Variants in CCPG1 observed in about 807,000 individuals in gnomAD.
CCPG1 encodes the protein cell cycle progression protein 1.
In CCPG1, 46 loss-of-function variants were observed where a neutral mutation model predicts 81.3. The ratio of observed to expected loss-of-function variants is 0.57; its 90% CI spans 0.45 to 0.72. The LOEUF (loss-of-function observed/expected upper bound fraction) is 0.72, where lower values mean the gene tolerates loss of function less well. Among genes scored for constraint, CCPG1 ranks in the 30% least tolerant of loss-of-function variants. The probability of loss-of-function intolerance (pLI) is 0.00; values close to 1 mark genes in which losing one functional copy is unlikely to be tolerated. For missense variants in CCPG1, 902 were observed against 937.6 expected (o/e 0.96, Z 0.50); for synonymous variants, 330 against 305.2 (o/e 1.08, Z -0.85).
At chr15:55,359,331 A>C (rs2056144090) in intron 8 of CCPG1, 1 of 1,264,346 alleles carries the variant, frequency 7.9e-7, no homozygotes, top group African/African-American at 1.5e-5. Flanking sequence ...CTCAAGTCAA[A>C]GTGATCACGT....
Position 55,360,018 on chromosome 15 carries a change from G to A in CCPG1, c.1755C>T (p.Gly585=). The change falls in exon 8 of 9, where the codon GGC becomes GGT. Residue 585 remains glycine, a synonymous_variant. Transcript: ENST00000442196. ...TCCTTCCATCATTTTGCATAGTAGG[G>A]CCTCTATTATGATGGTTTTCTGTAG... ...KAPTENHHNR[G]PTMQNDGRKE... 1 of 1,613,356 alleles carries A rather than the reference G, an allele frequency of 6.2e-7. No homozygotes were observed. The highest frequency in any genetic ancestry group is 1.1e-5 in the South Asian group (1 of 90,988).
Position 55,378,391 on chromosome 15 carries a change from A to T in CCPG1, c.176-15T>A. ...TTGGCTGCTTTCTGATATAAAGCAA[A>T]GATCAATATAATTATTTCTTAATTT... is the stretch of plus-strand genomic sequence containing the variant. On this transcript the variant is annotated splice_polypyrimidine_tract_variant and intron_variant, in intron 3 of 8. Transcript: ENST00000442196. 2 of 1,515,884 alleles carry T rather than the reference A, an allele frequency of 1.3e-6. No individual in the cohort carries two copies. The highest frequency in any genetic ancestry group is 1.8e-6 in the Non-Finnish European group (2 of 1,097,082). 93.9% of individuals were successfully genotyped at this position (1,515,884 alleles called of 1,614,324 possible).
At chr15:55,363,799 CTT>C (rs565044184) in intron 7 of CCPG1, among the ~76,000 whole-genome samples, 7 of 93,936 alleles carry the variant, frequency 7.5e-5, no homozygotes, top group East Asian at 4.3e-4. Flanking sequence ...TTTCCTTTTC[CTT>C]TTTTTTTTTT....
intron 6 of CCPG1, 100 bp from the exon 7 acceptor site, chr15:55,365,409 T>TA: frequency 1.4e-6 from 1 of 711,520 alleles, no homozygotes; most frequent in Non-Finnish European, 2.3e-6. Context: ...AGCTATGTAG[T>TA]CTTTTTTTTG....
At chr15:55,375,201 T>A (rs2056538695) in intron 5 of CCPG1, among the ~76,000 whole-genome samples, 1 of 152,230 alleles carries the variant, frequency 6.6e-6, no homozygotes, top group African/African-American at 2.4e-5. Flanking sequence ...TGAAAAAAGT[T>A]AATATGTAAT....
At position 55,394,100 on chromosome 15, in the gene CCPG1, C is replaced by T. The variant is rs542337202; in HGVS notation, c.-9-4667G>A. Among the ~76,000 whole-genome samples the T allele has an allele frequency of 3.0e-3, 453 of 152,286 alleles. 1 individual carries two copies. The highest frequency in any genetic ancestry group is 4.6e-3 in the Non-Finnish European group (311 of 68,018). ...AAACTCCCAGGTTCAAGTAGATGCTCCCATCTCAGCCTCCCAAGTAGCTAG... is the reference window on the plus strand; with the variant it reads ...AAACTCCCAGGTTCAAGTAGATGCTTCCATCTCAGCCTCCCAAGTAGCTAG... On this transcript the variant is annotated intron_variant, in intron 1 of 8. Transcript: ENST00000442196.
At chr15:55,356,439 T>C (rs2056077904) in intron 8 of CCPG1, 30 bp from the exon 9 acceptor site, 1 of 1,453,282 alleles carries the variant, frequency 6.9e-7, no homozygotes, top group African/African-American at 1.4e-5. Flanking sequence ...TTTTCATCTA[T>C]GTTAGAGTTC....
intron 7 of CCPG1, among the ~76,000 whole-genome samples, chr15:55,361,378 T>C (rs2056191523): frequency 6.6e-6 from 1 of 151,832 alleles, no homozygotes; most frequent in Non-Finnish European, 1.5e-5. Context: ...ACTAAAGGCT[T>C]TTCTGAATCA....
At chr15:55,386,112 G>A (rs572760981) in intron 2 of CCPG1, among the ~76,000 whole-genome samples, 4 of 151,900 alleles carry the variant, frequency 2.6e-5, no homozygotes, top group African/African-American at 9.7e-5. Flanking sequence ...AAATCTGGCT[G>A]GGCACGGTGG....
intron 3 of CCPG1, among the ~76,000 whole-genome samples, chr15:55,380,974 A>G (rs2056677914): frequency 6.6e-6 from 1 of 151,892 alleles, no homozygotes; most frequent in Non-Finnish European, 1.5e-5. Context: ...CGTCTCTACT[A>G]AAAATACAAA....
At chr15:55,407,043 C>CA (rs1555411239) in intron 1 of CCPG1, among the ~76,000 whole-genome samples, 2 of 135,294 alleles carry the variant, frequency 1.5e-5, no homozygotes, top group Non-Finnish European at 3.1e-5. Context: ...TGAGACCCCC[C>CA]CCCCCGCCCC....
In CCPG1 at chr15:55,358,361, A is replaced by G. The variant is rs940240911; in HGVS notation, c.2234+1178T>C. The G allele has an allele frequency of 1.0e-4, 101 of 985,012 alleles. 1 individual carries two copies. In the South Asian group the frequency reaches 1.4e-3, roughly 14 times the overall value. The allele number at this position is 985,012 out of a possible 1,614,324, so 61.0% of individuals were successfully genotyped here. ...ACATATATCCTGAAGATAAGGGGGG[A>G]CTACTGTAATCTAAAATACAATATA... On this transcript the variant is annotated intron_variant, in intron 8 of 8. Coordinates refer to ENST00000442196, the MANE Select transcript of CCPG1 (RefSeq NM_001204450.2).
intron 2 of CCPG1, among the ~76,000 whole-genome samples, chr15:55,387,231 C>G (rs2056818626): frequency 6.6e-6 from 1 of 152,222 alleles, no homozygotes; most frequent in South Asian, 2.1e-4. Context: ...GAGTGCCAGA[C>G]AGAGGTCTGC....
chr15:55,395,354 C>T (rs549501887), intron 1 of CCPG1, among the ~76,000 whole-genome samples: 2 of 152,244 alleles, frequency 1.3e-5, no homozygotes, highest in East Asian at 3.9e-4. Flanking sequence ...TGAAAGCCCC[C>T]TGGCAGTTTG....
chr15:55,385,476 G>C (rs2056780668), intron 3 of CCPG1, 124 bp downstream of exon 3: 1 of 562,966 alleles, frequency 1.8e-6, no homozygotes, highest in Non-Finnish European at 3.1e-6. Flanking sequence ...CTACACTGAA[G>C]TTCTAATCCT....
intron 8 of CCPG1, 77 bp from the exon 9 acceptor site, chr15:55,356,486 T>G: frequency 7.6e-7 from 1 of 1,324,356 alleles, no homozygotes; most frequent in Non-Finnish European, 1.0e-6. Flanking sequence ...AAATGTTTTC[T>G]CCATTAATCT....
chr15:55,390,818 T>G (rs969933495), intron 1 of CCPG1, among the ~76,000 whole-genome samples: 1 of 152,202 alleles, frequency 6.6e-6, no homozygotes, highest in Non-Finnish European at 1.5e-5. Flanking sequence ...TCAAATGAAT[T>G]ATTCAAAACC....
chr15:55,378,779 T>C (rs2056617861), intron 3 of CCPG1, among the ~76,000 whole-genome samples: 1 of 152,078 alleles, frequency 6.6e-6, no homozygotes, highest in Non-Finnish European at 1.5e-5. Context: ...GTATTTCTAC[T>C]AGAGATAGGG....
intron 1 of CCPG1, among the ~76,000 whole-genome samples, chr15:55,394,519 A>T (rs7162724): frequency 0.18 from 26,933 of 151,996 alleles, 4,131 homozygotes; most frequent in African/African-American, 0.42. Context: ...CTAACAGATT[A>T]CAAAAAAAAG....
Sources: gnomAD v4.1 joint callset for allele counts (sites outside exome capture counted in the v4.1 genomes callset) on GRCh38, gnomAD v4.1.1 for gene constraint, MANE v1.5 for transcripts, NCBI Gene and HGNC (gene_info 2026-07-23, HGNC 2026-07-21) for gene names.